The following CIMAP3 variants were observed in gnomAD, a reference collection of about 807,000 sequenced individuals.
The protein encoded by CIMAP3 is ciliary microtubule associated protein 3.
the CIMAP3 span, chr1:111,348,456 C>T: frequency 1.4e-6 from 2 of 1,428,326 alleles, no homozygotes; most frequent in Non-Finnish European, 1.9e-6. Context: ...ACCTGGAAGG[C>T]TTTATGTGTA....
At chr1:111,346,941 T>A in the CIMAP3 span, 1 of 1,613,924 alleles carries the variant, frequency 6.2e-7, no homozygotes, top group Non-Finnish European at 8.5e-7. Flanking sequence ...TTGGAACATG[T>A]CAACAGAGGA....
chr1:111,346,136 A>G, the CIMAP3 span, among the ~76,000 whole-genome samples: 1 of 152,176 alleles, frequency 6.6e-6, no homozygotes, highest in African/African-American at 2.4e-5. Flanking sequence ...AGAATGGGCA[A>G]CCTGATTGGA....
the CIMAP3 span, chr1:111,346,732 T>G: frequency 1.3e-6 from 2 of 1,588,912 alleles, no homozygotes; most frequent in Non-Finnish European, 1.7e-6. Context: ...GTGGGGAAGC[T>G]GGGAAAGACG....
the CIMAP3 span, among the ~76,000 whole-genome samples, chr1:111,330,992 T>C: frequency 6.6e-6 from 1 of 152,344 alleles, no homozygotes; most frequent in Non-Finnish European, 1.5e-5. Context: ...TTCTATTCAC[T>C]TTGAAAACTC....
the CIMAP3 span, chr1:111,324,856 A>AT: frequency 1.0e-6 from 1 of 985,316 alleles, no homozygotes; most frequent in Middle Eastern, 5.2e-4. Context: ...CATATCATGG[A>AT]TCAGACAGCC....
the CIMAP3 span, chr1:111,350,041 G>A: frequency 7.5e-7 from 1 of 1,329,222 alleles, no homozygotes; most frequent in Non-Finnish European, 1.1e-6. Flanking sequence ...GACGGCTCTG[G>A]TACTGATGGA....
At chr1:111,329,793 ATCAGCCCGCC>A in the CIMAP3 span, among the ~76,000 whole-genome samples, 2 of 151,918 alleles carry the variant, frequency 1.3e-5, no homozygotes, top group Non-Finnish European at 2.9e-5. Context: ...ACCTCAGGTA[ATCAGCCCGCC>A]TCAGCCTCCC....
the CIMAP3 span, among the ~76,000 whole-genome samples, chr1:111,334,798 G>C: frequency 6.6e-6 from 1 of 152,130 alleles, no homozygotes; most frequent in African/African-American, 2.4e-5. Context: ...ATCAATGAAA[G>C]GAAAGAATCA....
the CIMAP3 span, among the ~76,000 whole-genome samples, chr1:111,344,558 C>T: frequency 6.6e-6 from 1 of 152,164 alleles, no homozygotes; most frequent in Admixed American, 6.5e-5. Flanking sequence ...CTGGGTATAT[C>T]TTTGATATCT....
the CIMAP3 span, among the ~76,000 whole-genome samples, chr1:111,346,070 G>C: frequency 6.6e-6 from 1 of 152,044 alleles, no homozygotes; most frequent in African/African-American, 2.4e-5. Context: ...CCCGGTCCAC[G>C]CAAGGCCTCC....
chr1:111,330,205 G>A, the CIMAP3 span, among the ~76,000 whole-genome samples: 5,462 of 152,200 alleles, frequency 0.036, 143 homozygotes, highest in Middle Eastern at 0.051. Context: ...GTTCAGCCTG[G>A]TTAAAAACTC....
At chr1:111,335,577 C>T in the CIMAP3 span, among the ~76,000 whole-genome samples, 1 of 152,226 alleles carries the variant, frequency 6.6e-6, no homozygotes, top group East Asian at 1.9e-4. Context: ...GGTCCTACGC[C>T]CACGGAATCT....
the CIMAP3 span, among the ~76,000 whole-genome samples, chr1:111,334,241 T>C: frequency 1.3e-5 from 2 of 152,096 alleles, no homozygotes; most frequent in South Asian, 2.1e-4. Flanking sequence ...ATATCAAAGA[T>C]ATACCAAGAA....
At chr1:111,341,870 T>C in the CIMAP3 span, among the ~76,000 whole-genome samples, 3 of 149,806 alleles carry the variant, frequency 2.0e-5, no homozygotes, top group South Asian at 6.5e-4. Flanking sequence ...ATTTTATATT[T>C]GGTGATATAA....
the CIMAP3 span, among the ~76,000 whole-genome samples, chr1:111,326,392 A>C: frequency 6.6e-6 from 1 of 152,098 alleles, no homozygotes; most frequent in African/African-American, 2.4e-5. Flanking sequence ...CCTACATATA[A>C]GTGACATTGT....
At chr1:111,350,796 A>C in the CIMAP3 span, among the ~76,000 whole-genome samples, 1 of 152,250 alleles carries the variant, frequency 6.6e-6, no homozygotes, top group African/African-American at 2.4e-5. Flanking sequence ...AAGGTTATAA[A>C]GAAAATGTGG....
the CIMAP3 span, among the ~76,000 whole-genome samples, chr1:111,325,507 A>G: frequency 6.6e-6 from 1 of 152,132 alleles, no homozygotes; most frequent in Non-Finnish European, 1.5e-5. Flanking sequence ...AGAGATCTCT[A>G]TTCTCTTGGA....
chr1:111,346,270 GCTGT>G, the CIMAP3 span: 160 of 186,312 alleles, frequency 8.6e-4, 1 homozygote, highest in East Asian at 0.014. Context: ...CGCTGCAGCG[GCTGT>G]CTTTCTACTT....
the CIMAP3 span, among the ~76,000 whole-genome samples, chr1:111,326,632 T>C: frequency 5.3e-5 from 8 of 152,272 alleles, no homozygotes; most frequent in South Asian, 1.0e-3. Context: ...CTAGATCATA[T>C]GGTAGTTCTA....
Sources: gnomAD v4.1 joint callset for allele counts (sites outside exome capture counted in the v4.1 genomes callset) on GRCh38, gnomAD v4.1.1 for gene constraint, MANE v1.5 for transcripts, NCBI Gene and HGNC (gene_info 2026-07-23, HGNC 2026-07-21) for gene names.